Variants in DIP2B observed in about 807,000 individuals in gnomAD.
The protein encoded by DIP2B is disco-interacting protein 2 homolog B.
In DIP2B, 76 loss-of-function variants were observed where a neutral mutation model predicts 198.0. The ratio of observed to expected loss-of-function variants is 0.38; its 90% CI spans 0.32 to 0.46. DIP2B has a LOEUF of 0.46. Ranked by LOEUF, DIP2B falls within the 20% of genes least tolerant of loss-of-function variation. DIP2B has a pLI of 0.99. For missense variants in DIP2B, 1,559 were observed against 1,978.4 expected (o/e 0.79, Z 4.02); for synonymous variants, 701 against 739.1 (o/e 0.95, Z 0.84).
intron 1 of DIP2B, among the ~76,000 whole-genome samples, chr12:50,514,088 G>A (rs143176291): frequency 2.6e-4 from 35 of 137,058 alleles, no homozygotes; most frequent in Non-Finnish European, 4.9e-4. Context: ...TTTTTGAGAC[G>A]GAGTTTCGCT....
chr12:50,526,626 C>CT (rs11423846), intron 1 of DIP2B, among the ~76,000 whole-genome samples: 54,413 of 63,812 alleles, frequency 0.85, 25,764 homozygotes, highest in Non-Finnish European at 0.91. Flanking sequence ...TTTCCTCTGC[C>CT]TTTTTTTTTT....
At chr12:50,742,772 C>T (rs1940275231) in intron 37 of DIP2B, among the ~76,000 whole-genome samples, 2 of 151,832 alleles carry the variant, frequency 1.3e-5, no homozygotes, top group Admixed American at 6.6e-5. Context: ...GGCAGGCACC[C>T]GTAATCCTAG....
intron 34 of DIP2B, among the ~76,000 whole-genome samples, chr12:50,736,288 C>A (rs1940137683): frequency 6.6e-6 from 1 of 152,220 alleles, no homozygotes. Context: ...GAGCATTAGC[C>A]TGTGCCCACC....
At chr12:50,734,779 G>C (rs1940106792) in intron 33 of DIP2B, among the ~76,000 whole-genome samples, 1 of 152,188 alleles carries the variant, frequency 6.6e-6, no homozygotes, top group South Asian at 2.1e-4. Flanking sequence ...TGCCACCCTA[G>C]AGGAGATTTG....
At chr12:50,507,843 C>G (rs1957981216) in intron 1 of DIP2B, among the ~76,000 whole-genome samples, 1 of 152,198 alleles carries the variant, frequency 6.6e-6, no homozygotes, top group Admixed American at 6.5e-5. Context: ...ATGCTTTTAA[C>G]TGTGTGTTTA....
intron 1 of DIP2B, among the ~76,000 whole-genome samples, chr12:50,621,871 T>C (rs1286952974): frequency 6.6e-6 from 1 of 152,236 alleles, no homozygotes; most frequent in African/African-American, 2.4e-5. Flanking sequence ...TGCTCGTTTG[T>C]GGATCTGATG....
Position 50,704,221 on chromosome 12 carries a change from G to A in DIP2B, c.2406+1G>A, listed in dbSNP as rs1476427273. ...AGGATTGCTGGGGTTTGTAGGGCCG[G>A]TAAGTGATGCTTTCATGTTGATTTT... is the stretch of plus-strand genomic sequence containing the variant. On this transcript the variant is annotated splice_donor_variant, in intron 20 of 37. Coordinates refer to ENST00000301180, the MANE Select transcript of DIP2B (RefSeq NM_173602.3). LOFTEE classifies it high-confidence loss of function. 2 of 1,609,130 alleles carry A rather than the reference G, an allele frequency of 1.2e-6. No homozygotes were observed. Among genetic ancestry groups the A allele is most frequent in the South Asian group, 1.1e-5 (1 of 89,812 alleles).
chr12:50,716,866 G>T (rs574420017), intron 23 of DIP2B, among the ~76,000 whole-genome samples: 1 of 148,598 alleles, frequency 6.7e-6, no homozygotes, highest in Non-Finnish European at 1.5e-5. Flanking sequence ...GGGCTCCCCC[G>T]TTTATTTTGA....
rs138262146 is a variant in DIP2B at position 50,518,847 on chromosome 12, T to G, written c.100+13607T>G. 7.5e-3 allele frequency among the ~76,000 whole-genome samples: 1,149 copies of G among 152,320 alleles called. 3 individuals are homozygous for G. The highest frequency in any genetic ancestry group is 0.034 in the South Asian group (162 of 4,826). On this transcript the variant is annotated intron_variant, in intron 1 of 37. Transcript: ENST00000301180. ...TTAGCTCACTGCAACCTCAAACTTC[T>G]GTACACAAGCAATCCTCCAAGTAGC...
intron 1 of DIP2B, among the ~76,000 whole-genome samples, chr12:50,589,128 G>A (rs1270374224): frequency 6.6e-6 from 1 of 151,770 alleles, no homozygotes; most frequent in Non-Finnish European, 1.5e-5. Flanking sequence ...AGCTTGCAGT[G>A]AGCCAAGATC....
chr12:50,571,692 A>G (rs567805037), intron 1 of DIP2B, among the ~76,000 whole-genome samples: 29 of 151,856 alleles, frequency 1.9e-4, no homozygotes, highest in African/African-American at 7.0e-4. Context: ...AACTGGGACT[A>G]CAGGCGTGTG....
At chr12:50,630,663 CTTTTTTTTTTTTT>C (rs11327858) in intron 2 of DIP2B, among the ~76,000 whole-genome samples, 4 of 74,568 alleles carry the variant, frequency 5.4e-5, no homozygotes, top group African/African-American at 1.5e-4. Flanking sequence ...TCTTTCTTTT[CTTTTTTTTTTTTT>C]TTTTTTTTTT....
intron 1 of DIP2B, among the ~76,000 whole-genome samples, chr12:50,560,344 G>A (rs1269255100): frequency 4.6e-5 from 7 of 151,466 alleles, no homozygotes; most frequent in African/African-American, 1.7e-4. Context: ...GCAGTGAGCC[G>A]AGATCGCAGC....
intron 22 of DIP2B, among the ~76,000 whole-genome samples, chr12:50,712,072 G>T (rs554914913): frequency 3.8e-4 from 58 of 152,296 alleles, no homozygotes; most frequent in African/African-American, 1.3e-3. Flanking sequence ...AGAGGCTGGG[G>T]TGGGAGGATC....
chr12:50,640,623 A>G (rs1938238750), intron 2 of DIP2B, 101 bp from the exon 3 acceptor site: 2 of 1,304,154 alleles, frequency 1.5e-6, no homozygotes, highest in Non-Finnish European at 2.1e-6. Flanking sequence ...AGATGGGGTA[A>G]TAGTACCTAG....
At chr12:50,577,547 A>G (rs1013367969) in intron 1 of DIP2B, among the ~76,000 whole-genome samples, 1 of 151,688 alleles carries the variant, frequency 6.6e-6, no homozygotes, top group Admixed American at 6.6e-5. Flanking sequence ...AATAAAAAAA[A>G]TAAAAAAAAG....
chr12:50,575,683 C>G (rs955325130), intron 1 of DIP2B, among the ~76,000 whole-genome samples: 1 of 152,032 alleles, frequency 6.6e-6, no homozygotes, highest in Admixed American at 6.5e-5. Flanking sequence ...CAACCAGGCC[C>G]TCCTTTATTG....
chr12:50,516,239 C>CTCTA (rs1321694976), intron 1 of DIP2B, among the ~76,000 whole-genome samples: 11 of 149,148 alleles, frequency 7.4e-5, no homozygotes, highest in East Asian at 2.0e-4. Flanking sequence ...CTCTCTCTCT[C>CTCTA]TCTCTCTATC....
chr12:50,584,284 A>G (rs956264613), intron 1 of DIP2B, among the ~76,000 whole-genome samples: 1 of 152,132 alleles, frequency 6.6e-6, no homozygotes. Flanking sequence ...CATTTTAGCA[A>G]ATGGACCCTA....
Sources: allele counts gnomAD v4.1 joint callset (sites outside exome capture counted in the v4.1 genomes callset), GRCh38; gene constraint gnomAD v4.1.1; transcripts MANE v1.5; gene names NCBI Gene and HGNC (gene_info 2026-07-23, HGNC 2026-07-21).